Variants in ITGA1 observed in about 807,000 individuals in gnomAD.
ITGA1 encodes the protein integrin alpha-1.
A neutral mutation model predicts 145.9 loss-of-function variants in ITGA1; 85 were observed. The observed-to-expected ratio is 0.58, with a 90% CI of 0.49 to 0.70. ITGA1 has a LOEUF of 0.70. Ranked by LOEUF, ITGA1 falls within the 30% of genes least tolerant of loss-of-function variation. ITGA1 has a pLI of 0.00. For synonymous variants in ITGA1, 520 were observed against 495.3 expected (o/e 1.05, Z -0.66); for missense variants, 1,351 against 1,418.7 (o/e 0.95, Z 0.77).
At chr5:52,805,885 G>T (rs1001046695) in intron 1 of ITGA1, among the ~76,000 whole-genome samples, 3 of 152,062 alleles carry the variant, frequency 2.0e-5, no homozygotes, top group Admixed American at 1.3e-4. Flanking sequence ...CTTTCTTAAT[G>T]ATTTGAAAAT....
rs918202350 is a variant in ITGA1 at position 52,953,106 on chromosome 5, A to G, written c.*655A>G. ...ATTTTATCTAGGATGGAAAATCAGG[A>G]TAGACTCGTTTAAAAACAAGTATAT... is the stretch of plus-strand genomic sequence containing the variant. On this transcript the variant is annotated 3_prime_UTR_variant, in exon 29 of 29. Transcript: ENST00000282588. 6.6e-6 allele frequency: 1 copy of G among 152,202 alleles called. No individual in the cohort carries two copies. Among genetic ancestry groups the G allele is most frequent in the Admixed American group, 6.5e-5 (1 of 15,280 alleles). 9.4% of individuals were successfully genotyped at this position (152,202 alleles called of 1,614,324 possible). A position where few individuals can be genotyped will look rare whatever the true frequency, so the allele number is the denominator to read the frequency against.
chr5:52,915,570 G>A lies in ITGA1; in HGVS notation c.1964G>A (p.Gly655Asp). ...GGTCTGACAGATGTGACTATTGGGG[G>A]CCTTGGTGGTGCTGCCCTCTTCTGG... The part of the protein sequence containing the change: ...GDGLTDVTIG[G>D]LGGAALFWSR... The change falls in exon 15 of 29, where the codon GGC (glycine) becomes GAC (aspartate). Residue 655 changes from glycine to aspartate, a missense_variant. Coordinates refer to ENST00000282588, the MANE Select transcript of ITGA1 (RefSeq NM_181501.2). 2 of 1,614,000 alleles carry A rather than the reference G, an allele frequency of 1.2e-6. No individual in the cohort carries two copies. Among genetic ancestry groups the A allele is most frequent in the Non-Finnish European group, 8.5e-7 (1 of 1,179,964 alleles).
chr5:52,905,605 C>T, intron 11 of ITGA1, 158 bp from the exon 12 acceptor site: 1 of 526,888 alleles, frequency 1.9e-6, no homozygotes, highest in Non-Finnish European at 3.1e-6. Flanking sequence ...TTAAAAGCTT[C>T]CACCAAAACA....
chr5:52,875,300 A>G (rs996691378), intron 6 of ITGA1, among the ~76,000 whole-genome samples: 7 of 151,848 alleles, frequency 4.6e-5, no homozygotes, highest in Non-Finnish European at 1.0e-4. Flanking sequence ...AAAAAAAGTG[A>G]GTGGATATTT....
chr5:52,864,670 T>C (rs1478476142), intron 3 of ITGA1, 93 bp from the exon 4 acceptor site: 2 of 732,060 alleles, frequency 2.7e-6, no homozygotes, highest in African/African-American at 3.6e-5. Context: ...TGCTATGATA[T>C]GAGCAAAACA....
At chr5:52,875,243 T>C (rs916025834) in intron 6 of ITGA1, among the ~76,000 whole-genome samples, 20 of 152,054 alleles carry the variant, frequency 1.3e-4, no homozygotes, top group African/African-American at 4.8e-4. Context: ...AATTCTTTTT[T>C]AAATCAAACT....
chr5:52,898,514 G>A, intron 11 of ITGA1, 131 bp downstream of exon 11: 1 of 824,630 alleles, frequency 1.2e-6, no homozygotes, highest in South Asian at 2.2e-5. Context: ...GTATTTTCCA[G>A]AACCCATGCA....
Position 52,879,362 on chromosome 5 carries a change from T to C in ITGA1, c.625-2511T>C, listed in dbSNP as rs77182625. 4.3e-3 allele frequency among the ~76,000 whole-genome samples: 655 copies of C among 152,290 alleles called. 10 individuals are homozygous for C. The East Asian group carries it at 0.052, about 12-fold the overall frequency. ...AAAGCAAACTGTAAGATGTCCTTAA[T>C]TGATGAGCAATTAACTTCCACAACA... On this transcript the variant is annotated intron_variant, in intron 6 of 28. Transcript: ENST00000282588.
chr5:52,913,947 A>G (rs1309777404), intron 14 of ITGA1, among the ~76,000 whole-genome samples: 1 of 152,216 alleles, frequency 6.6e-6, no homozygotes, highest in East Asian at 1.9e-4. Flanking sequence ...GGCAATATTA[A>G]TGACTGGGGC....
chr5:52,807,772 A>G (rs1311905485), intron 1 of ITGA1, among the ~76,000 whole-genome samples: 4 of 152,186 alleles, frequency 2.6e-5, no homozygotes, highest in Non-Finnish European at 5.9e-5. Context: ...AATCCCCTCA[A>G]GCACTATCCA....
intron 28 of ITGA1, chr5:52,948,897 G>A (rs1285011374): frequency 6.6e-6 from 1 of 152,074 alleles, no homozygotes; most frequent in Non-Finnish European, 1.5e-5. Flanking sequence ...GTTCTTTCAG[G>A]CCTTGTACCT....
At chr5:52,888,379 G>A (rs78859103) in intron 8 of ITGA1, among the ~76,000 whole-genome samples, 3,905 of 152,286 alleles carry the variant, frequency 0.026, 196 homozygotes, top group African/African-American at 0.09. Flanking sequence ...GATTTGTTCA[G>A]TATAACAAGA....
chr5:52,822,860 CT>C (rs1469806091), intron 1 of ITGA1, among the ~76,000 whole-genome samples: 9 of 152,134 alleles, frequency 5.9e-5, no homozygotes, highest in Non-Finnish European at 1.3e-4. Context: ...GTTTTCTGCT[CT>C]AGGTTTGGTC....
intron 2 of ITGA1, among the ~76,000 whole-genome samples, chr5:52,860,985 G>A (rs1176653070): frequency 6.6e-6 from 1 of 152,088 alleles, no homozygotes; most frequent in Non-Finnish European, 1.5e-5. Context: ...TATAAAATTA[G>A]CAGTTCATCA....
chr5:52,915,861 TA>T (rs1561248440), intron 15 of ITGA1, among the ~76,000 whole-genome samples: 2 of 152,168 alleles, frequency 1.3e-5, no homozygotes, highest in African/African-American at 4.8e-5. Flanking sequence ...AGGAGAGGTA[TA>T]GGGGAAGAGA....
intron 14 of ITGA1, among the ~76,000 whole-genome samples, chr5:52,911,234 G>C (rs1750518302): frequency 7.5e-6 from 1 of 132,928 alleles, no homozygotes; most frequent in South Asian, 2.4e-4. Flanking sequence ...AGTATATGTA[G>C]TGTATATATA....
At chr5:52,795,391 T>G (rs377378786) in intron 1 of ITGA1, among the ~76,000 whole-genome samples, 51 of 151,782 alleles carry the variant, frequency 3.4e-4, no homozygotes, top group South Asian at 1.0e-3. Flanking sequence ...ACAAGAAAAT[T>G]TATACAGCCC....
rs185670917 is a variant in ITGA1 at position 52,820,104 on chromosome 5, G to A, written c.62-29261G>A. On this transcript the variant is annotated intron_variant, in intron 1 of 28. Transcript: ENST00000282588. ...TGATGCCTCCAGCTTTGTTCTTTTGGCTTAGGATTGACTTGGCAATGCAGG... is the reference window on the plus strand; with the variant it reads ...TGATGCCTCCAGCTTTGTTCTTTTGACTTAGGATTGACTTGGCAATGCAGG... Among the ~76,000 whole-genome samples, 1,013 of 151,840 alleles carry A rather than the reference G, an allele frequency of 6.7e-3. 12 individuals carry two copies. Among genetic ancestry groups the A allele is most frequent in the African/African-American group, 0.023 (963 of 41,354 alleles).
At chr5:52,870,255 T>C (rs1296146002) in intron 6 of ITGA1, among the ~76,000 whole-genome samples, 1 of 152,234 alleles carries the variant, frequency 6.6e-6, no homozygotes, top group African/African-American at 2.4e-5. Context: ...CACCCTATGA[T>C]TGGCAGAATT....
Sources: gnomAD v4.1 joint callset for allele counts (sites outside exome capture counted in the v4.1 genomes callset) on GRCh38, gnomAD v4.1.1 for gene constraint, MANE v1.5 for transcripts, NCBI Gene and HGNC (gene_info 2026-07-23, HGNC 2026-07-21) for gene names.